The following NELL2 variants were observed in gnomAD, a reference collection of about 807,000 sequenced individuals.
NELL2 encodes protein kinase C-binding protein NELL2.
Under a neutral mutation model 109.6 loss-of-function variants are expected in NELL2, and 41 were observed. That is an observed-to-expected ratio of 0.37 (90% CI 0.29 to 0.49). NELL2 has a LOEUF of 0.49. Among genes scored for constraint, NELL2 ranks in the 20% least tolerant of loss-of-function variants. The pLI is 0.98. For synonymous variants in NELL2, 355 were observed against 344.7 expected (o/e 1.03, Z -0.33); for missense variants, 900 against 1,008.3 (o/e 0.89, Z 1.45).
chr12:44,552,814 T>C (rs1403678368), intron 15 of NELL2, among the ~76,000 whole-genome samples: 6 of 152,118 alleles, frequency 3.9e-5, no homozygotes, highest in Non-Finnish European at 7.4e-5. Context: ...TTGCTGTGAC[T>C]TTCAAATTTT....
At chr12:44,550,316 A>G (rs1414438547) in intron 15 of NELL2, among the ~76,000 whole-genome samples, 2 of 152,140 alleles carry the variant, frequency 1.3e-5, no homozygotes, top group Admixed American at 6.6e-5. Flanking sequence ...ATAACTTGAA[A>G]TCAGGATCTT....
intron 1 of NELL2, among the ~76,000 whole-genome samples, chr12:44,894,913 T>C (rs1258265105): frequency 6.6e-6 from 1 of 152,242 alleles, no homozygotes; most frequent in Non-Finnish European, 1.5e-5. Flanking sequence ...TCTTATCTTG[T>C]AGAAAGACCA....
chr12:44,691,124 A>T (rs1948885787), intron 12 of NELL2, among the ~76,000 whole-genome samples: 1 of 152,188 alleles, frequency 6.6e-6, no homozygotes, highest in Middle Eastern at 3.2e-3. Context: ...GTTTTATTGC[A>T]GTTCACTTCA....
At chr12:44,613,935 A>G (rs79810568) in intron 13 of NELL2, among the ~76,000 whole-genome samples, 1,992 of 152,136 alleles carry the variant, frequency 0.013, 25 homozygotes, top group Non-Finnish European at 0.019. Flanking sequence ...TTCCTCCAAT[A>G]CTTCCAATAT....
intron 2 of NELL2, among the ~76,000 whole-genome samples, chr12:44,873,009 T>A (rs896611931): frequency 6.6e-6 from 1 of 152,200 alleles, no homozygotes; most frequent in African/African-American, 2.4e-5. Flanking sequence ...TAATGCGAAA[T>A]TCCATGCATG....
intron 2 of NELL2, among the ~76,000 whole-genome samples, chr12:44,836,276 A>C (rs1328581977): frequency 6.6e-6 from 1 of 152,206 alleles, no homozygotes; most frequent in Middle Eastern, 3.2e-3. Context: ...CTATTCCCAC[A>C]CTAGGCGGGT....
intron 15 of NELL2, among the ~76,000 whole-genome samples, chr12:44,557,332 T>G (rs74827116): frequency 0.035 from 5,318 of 152,248 alleles, 331 homozygotes; most frequent in African/African-American, 0.12. Flanking sequence ...TCAAAATTCT[T>G]TTTCTGGTCT....
chr12:44,571,759 G>A (rs1429733788), intron 15 of NELL2, among the ~76,000 whole-genome samples: 1 of 152,034 alleles, frequency 6.6e-6, no homozygotes, highest in East Asian at 1.9e-4. Flanking sequence ...TTTTTCTTGG[G>A]GTCCCATGAC....
chr12:44,795,574 G>A (rs904055107), intron 3 of NELL2, among the ~76,000 whole-genome samples: 2 of 152,094 alleles, frequency 1.3e-5, no homozygotes, highest in African/African-American at 4.8e-5. Context: ...GATTCTTAAG[G>A]CTGATTCTGT....
rs765514257 is a variant in NELL2 at position 44,816,001 on chromosome 12, T to C, written c.320A>G (p.His107Arg). The change falls in exon 3 of 20, where the codon CAC becomes CGC. Residue 107 changes from histidine (H) to arginine (R), a missense_variant. Transcript: ENST00000429094. ...CCACATTTACCTGTGATCCAAGTGG[T>C]GAATTGAGAGAATAACTCCTGAATT... ...HLNSGVILSIHHLDHRYLELE... is the reference protein window; with the variant it reads ...HLNSGVILSIRHLDHRYLELE... The C allele has an allele frequency of 1.9e-6, 3 of 1,611,822 alleles. No individual in the cohort carries two copies. In the Admixed American group the frequency reaches 5.0e-5, roughly 27 times the overall value.
At chr12:44,793,880 C>G (rs945327642) in intron 3 of NELL2, among the ~76,000 whole-genome samples, 1 of 152,086 alleles carries the variant, frequency 6.6e-6, no homozygotes. Flanking sequence ...TGCACAAAAT[C>G]GTATGAATAC....
chr12:44,610,682 G>A (rs138755989), intron 14 of NELL2, among the ~76,000 whole-genome samples, 166 bp downstream of exon 14: 3 of 152,136 alleles, frequency 2.0e-5, no homozygotes, highest in East Asian at 3.9e-4. Flanking sequence ...AGTAACCCAG[G>A]AGGATGTCAA....
intron 10 of NELL2, among the ~76,000 whole-genome samples, chr12:44,713,195 C>CAG (rs1325637353): frequency 9.5e-5 from 14 of 148,046 alleles, no homozygotes; most frequent in African/African-American, 3.4e-4. Flanking sequence ...CACACACACA[C>CAG]ACACACACAC....
At chr12:44,776,198 A>T in intron 7 of NELL2, 48 bp from the exon 8 acceptor site, 1 of 1,601,542 alleles carries the variant, frequency 6.2e-7, no homozygotes, top group Non-Finnish European at 8.5e-7. Context: ...TTCCAGCAAC[A>T]CAGAAATGTG....
intron 1 of NELL2, among the ~76,000 whole-genome samples, chr12:44,883,847 A>G (rs1027284774): frequency 6.6e-6 from 1 of 152,014 alleles, no homozygotes; most frequent in Admixed American, 6.5e-5. Context: ...AAGAGATACA[A>G]CAGGTAAAAT....
Position 44,853,265 on chromosome 12 carries a change from T to C in NELL2, c.184+21960A>G, listed in dbSNP as rs370075343. Among the ~76,000 whole-genome samples, 57 of 152,288 alleles carry C rather than the reference T, an allele frequency of 3.7e-4. No individual in the cohort carries two copies. In the East Asian group the frequency reaches 7.7e-3, roughly 21 times the overall value. ...TTCAGAAAGATTTCAGTGAAGACAA[T>C]CCAGATTTGAGTTAGGAATTTTAAA... is the stretch of plus-strand genomic sequence containing the variant. On this transcript the variant is annotated intron_variant, in intron 2 of 19. Coordinates refer to ENST00000429094, the MANE Select transcript of NELL2 (RefSeq NM_001145108.2).
chr12:44,788,210 G>A (rs1273796148), intron 3 of NELL2, among the ~76,000 whole-genome samples: 1 of 152,168 alleles, frequency 6.6e-6, no homozygotes, highest in East Asian at 1.9e-4. Flanking sequence ...GTGGAGGCTT[G>A]CATGATGAAT....
chr12:44,670,715 T>C (rs1948109671), intron 12 of NELL2, among the ~76,000 whole-genome samples: 1 of 151,968 alleles, frequency 6.6e-6, no homozygotes, highest in South Asian at 2.1e-4. Flanking sequence ...AGTAGGTCAA[T>C]ATAGATGACA....
intron 15 of NELL2, among the ~76,000 whole-genome samples, chr12:44,591,980 G>C (rs559059127): frequency 6.6e-6 from 1 of 152,242 alleles, no homozygotes; most frequent in East Asian, 1.9e-4. Context: ...TACAAACATG[G>C]GAGTTGAGAG....
Sources: gnomAD v4.1 joint callset for allele counts (sites outside exome capture counted in the v4.1 genomes callset) on GRCh38, gnomAD v4.1.1 for gene constraint, MANE v1.5 for transcripts, NCBI Gene and HGNC (gene_info 2026-07-23, HGNC 2026-07-21) for gene names.